RAB30: variants seen among roughly 807,000 people sequenced by gnomAD.
RAB30 encodes ras-related protein Rab-30.
Under a neutral mutation model 25.1 loss-of-function variants are expected in RAB30, and 9 were observed. The ratio of observed to expected loss-of-function variants is 0.36; its 90% CI spans 0.22 to 0.63. The LOEUF is 0.63. Ranked by LOEUF, RAB30 falls within the 20% of genes least tolerant of loss-of-function variation. The pLI, the probability that RAB30 is intolerant of heterozygous loss-of-function variation, is 0.69. For missense variants in RAB30, 140 were observed against 243.5 expected, an observed-to-expected ratio of 0.58 and a Z score of 2.83; for synonymous variants, 77 against 86.4, an observed-to-expected ratio of 0.89 and a Z score of 0.60.
Position 82,975,422 on chromosome 11 carries a change from A to C in RAB30, c.*6743T>G, listed in dbSNP as rs1856527954. 6.6e-6 allele frequency: 1 copy of C among 152,180 alleles called. No homozygotes were observed. Among genetic ancestry groups the C allele is most frequent in the Non-Finnish European group, 1.5e-5 (1 of 68,002 alleles). The allele number at this position is 152,180 out of a possible 1,614,324, so 9.4% of individuals were successfully genotyped here. A position where few individuals can be genotyped will look rare whatever the true frequency, so the allele number is the denominator to read the frequency against. ...ACAAATTATCTTAACAAAGTAGATT[A>C]TCTTTTGCTTTTCTGTACATGAATT... On this transcript the variant is annotated 3_prime_UTR_variant, in exon 5 of 5. Transcript: ENST00000527633.
intron 1 of RAB30, among the ~76,000 whole-genome samples, chr11:83,004,171 G>A (rs772444306): frequency 6.6e-6 from 1 of 152,158 alleles, no homozygotes; most frequent in East Asian, 1.9e-4. Flanking sequence ...CATTAGTGTA[G>A]TAAACACTAT....
intron 1 of RAB30, among the ~76,000 whole-genome samples, chr11:83,068,155 G>A (rs1232833184): frequency 6.6e-6 from 1 of 150,830 alleles, no homozygotes; most frequent in African/African-American, 2.4e-5. Flanking sequence ...AACGTTAGCT[G>A]AGCATGGTGG....
chr11:83,048,196 AG>A (rs1359931039), intron 1 of RAB30, among the ~76,000 whole-genome samples: 3 of 152,130 alleles, frequency 2.0e-5, no homozygotes, highest in African/African-American at 7.2e-5. Context: ...CTGGCCTAGA[AG>A]GTTTAAAAAG....
At chr11:83,065,235 T>G (rs913520156) in intron 1 of RAB30, among the ~76,000 whole-genome samples, 1 of 151,026 alleles carries the variant, frequency 6.6e-6, no homozygotes, top group South Asian at 2.1e-4. Context: ...AAAAAAAAAA[T>G]TTAATTTAGT....
At chr11:83,000,920 G>A (rs1189972807) in intron 1 of RAB30, among the ~76,000 whole-genome samples, 1 of 151,400 alleles carries the variant, frequency 6.6e-6, no homozygotes, top group Non-Finnish European at 1.5e-5. Context: ...AGTGGCGGGC[G>A]CCTGTAGTCC....
intron 1 of RAB30, among the ~76,000 whole-genome samples, chr11:83,070,022 A>C (rs1858794815): frequency 1.3e-5 from 2 of 149,838 alleles, no homozygotes. Context: ...AGAGAAAGAG[A>C]TGTGATATGC....
intron 4 of RAB30, among the ~76,000 whole-genome samples, chr11:82,982,640 G>T (rs1207075161): frequency 6.6e-6 from 1 of 152,140 alleles, no homozygotes; most frequent in African/African-American, 2.4e-5. Context: ...AAGGCGGGTG[G>T]ATCACCAGGT....
At chr11:82,986,496 G>A (rs1856741038) in intron 4 of RAB30, among the ~76,000 whole-genome samples, 1 of 152,188 alleles carries the variant, frequency 6.6e-6, no homozygotes, top group Non-Finnish European at 1.5e-5. Flanking sequence ...TAAAACAGAA[G>A]GTACAAATGC....
intron 4 of RAB30, 89 bp from the exon 5 acceptor site, chr11:82,982,504 A>G: frequency 7.2e-7 from 1 of 1,383,640 alleles, no homozygotes; most frequent in South Asian, 1.3e-5. Flanking sequence ...ATCTGAAGTC[A>G]AGCCAGACAG....
chr11:83,012,993 C>T (rs1166131291), intron 1 of RAB30, among the ~76,000 whole-genome samples: 2 of 152,218 alleles, frequency 1.3e-5, no homozygotes, highest in Non-Finnish European at 2.9e-5. Flanking sequence ...TACCCCCACC[C>T]TCCCTGTGAA....
At chr11:82,989,162 A>C (rs1437900663) in intron 3 of RAB30, among the ~76,000 whole-genome samples, 9 of 152,172 alleles carry the variant, frequency 5.9e-5, no homozygotes, top group Admixed American at 6.5e-5. Context: ...GTATTAATGG[A>C]AACTGTCCCT....
chr11:83,006,425 A>G (rs1272763751), intron 1 of RAB30, among the ~76,000 whole-genome samples: 1 of 152,230 alleles, frequency 6.6e-6, no homozygotes, highest in African/African-American at 2.4e-5. Context: ...AAGCAAGGCA[A>G]AGAATGGTGT....
chr11:82,991,703 G>C (rs1005295957), intron 3 of RAB30, among the ~76,000 whole-genome samples: 2 of 152,038 alleles, frequency 1.3e-5, no homozygotes, highest in Admixed American at 6.5e-5. Flanking sequence ...AAGTTGATTT[G>C]GACTGGATTT....
intron 1 of RAB30, among the ~76,000 whole-genome samples, chr11:82,998,588 C>T (rs11233405): frequency 0.27 from 40,552 of 150,760 alleles, 5,863 homozygotes; most frequent in East Asian, 0.32. Context: ...ACATAAAGCC[C>T]TATCCTGGTA....
chr11:83,027,939 T>TA (rs1440983999), intron 1 of RAB30, among the ~76,000 whole-genome samples: 1 of 152,202 alleles, frequency 6.6e-6, no homozygotes, highest in Non-Finnish European at 1.5e-5. Context: ...TCACTTAGCA[T>TA]AATGTCAAGG....
intron 4 of RAB30, among the ~76,000 whole-genome samples, chr11:82,986,825 C>T (rs1340930895): frequency 6.6e-6 from 1 of 152,180 alleles, no homozygotes; most frequent in African/African-American, 2.4e-5. Context: ...AAAGTGTTTA[C>T]TGAGCTTATT....
chr11:83,012,923 T>A (rs111566357), intron 1 of RAB30, among the ~76,000 whole-genome samples: 473 of 152,200 alleles, frequency 3.1e-3, no homozygotes, highest in African/African-American at 0.01. Context: ...CTTCACACCT[T>A]TACTCACAGG....
At chr11:82,996,227 C>T (rs1243855534) in intron 2 of RAB30, among the ~76,000 whole-genome samples, 2 of 152,188 alleles carry the variant, frequency 1.3e-5, no homozygotes, top group Admixed American at 1.3e-4. Context: ...CTGTCTCTTT[C>T]GTTTTCCGCA....
intron 1 of RAB30, among the ~76,000 whole-genome samples, chr11:83,064,181 G>A (rs1858642744): frequency 6.6e-6 from 1 of 151,966 alleles, no homozygotes; most frequent in Non-Finnish European, 1.5e-5. Context: ...CTTGACCTCT[G>A]GGGCTTAAGG....
Sources: gnomAD v4.1 joint callset for allele counts (sites outside exome capture counted in the v4.1 genomes callset) on GRCh38, gnomAD v4.1.1 for gene constraint, MANE v1.5 for transcripts, NCBI Gene and HGNC (gene_info 2026-07-23, HGNC 2026-07-21) for gene names.